CHCHD6: variants seen among roughly 807,000 people sequenced by gnomAD.
CHCHD6 encodes the protein MICOS complex subunit MIC25.
CHCHD6 carries 28 observed loss-of-function variants against 32.3 expected under a neutral mutation model. The ratio of observed to expected loss-of-function variants is 0.87; its 90% confidence interval spans 0.64 to 1.19. The LOEUF (loss-of-function observed/expected upper bound fraction) is 1.19. CHCHD6 is among the 50% of genes most tolerant of loss of function. The probability of loss-of-function intolerance (pLI) is 0.00; values close to 1 mark genes in which losing one functional copy is unlikely to be tolerated. For missense variants in CHCHD6, 333 were observed against 307.0 expected, an observed-to-expected ratio of 1.08 and a Z score of -0.63; for synonymous variants, 122 against 117.5, an observed-to-expected ratio of 1.04 and a Z score of -0.25.
At chr3:126,899,574 CCTCT>C (rs2077892291) in intron 5 of CHCHD6, among the ~76,000 whole-genome samples, 1 of 152,206 alleles carries the variant, frequency 6.6e-6, no homozygotes. Flanking sequence ...ACACCATCCT[CCTCT>C]CTATCGTGGT....
In CHCHD6 at chr3:126,960,208, G is replaced by A; in HGVS notation, c.*7G>A. ...GTTCTCTTTGTAGGGCTGAGGAGCA[G>A]ACATCATTCCCTGCCCTGGCAGTGA... On this transcript the variant is annotated 3_prime_UTR_variant, in exon 8 of 8. Transcript: ENST00000290913. 6.4e-7 allele frequency: 1 copy of A among 1,551,496 alleles called. No individual in the cohort carries two copies.
chr3:126,914,021 G>A lies in CHCHD6; in HGVS notation c.496-659G>A, dbSNP rs1009357210. Reference sequence around the variant, plus strand: ...ACCGGGTGATCTCAGGACAAATTAAGTGTGTGCCTGTGGATGCTCCCCTTA... The same window carrying A: ...ACCGGGTGATCTCAGGACAAATTAAATGTGTGCCTGTGGATGCTCCCCTTA... On this transcript the variant is annotated intron_variant, in intron 5 of 7. Coordinates refer to ENST00000290913, the MANE Select transcript of CHCHD6 (RefSeq NM_032343.3). 2.6e-5 allele frequency among the ~76,000 whole-genome samples: 4 copies of A among 152,224 alleles called. No homozygotes were observed. In the East Asian group the frequency reaches 5.8e-4, roughly 22 times the overall value.
chr3:126,790,202 C>G lies in CHCHD6; in HGVS notation c.411+56980C>G, dbSNP rs190550972. ...TTCTGCTGAGAGATCAGCTGTTAGT[C>G]TGATGGGCTTCCCTTTGTGGGTAAC... On this transcript the variant is annotated intron_variant, in intron 4 of 7. Coordinates refer to ENST00000290913, the MANE Select transcript of CHCHD6 (RefSeq NM_032343.3). Among the ~76,000 whole-genome samples, 927 of 152,260 alleles carry G rather than the reference C, an allele frequency of 6.1e-3. 9 individuals are homozygous for G. The highest frequency in any genetic ancestry group is 0.021 in the African/African-American group (886 of 41,516).
At chr3:126,772,142 C>T (rs1208134198) in intron 4 of CHCHD6, among the ~76,000 whole-genome samples, 1 of 152,150 alleles carries the variant, frequency 6.6e-6, no homozygotes, top group Admixed American at 6.5e-5. Context: ...TGCTTTGTCA[C>T]CCAGGCTGGA....
At chr3:126,814,069 T>C (rs1939774457) in intron 4 of CHCHD6, among the ~76,000 whole-genome samples, 1 of 152,194 alleles carries the variant, frequency 6.6e-6, no homozygotes, top group South Asian at 2.1e-4. Flanking sequence ...TATTGATGGG[T>C]AGCTTTCTTT....
chr3:126,821,641 T>C (rs1940157811), intron 4 of CHCHD6, among the ~76,000 whole-genome samples: 1 of 152,198 alleles, frequency 6.6e-6, no homozygotes, highest in Non-Finnish European at 1.5e-5. Flanking sequence ...TAGACTGTTT[T>C]CCAAAGGAGT....
At chr3:126,956,990 A>C (rs1219467118) in intron 6 of CHCHD6, 2 of 194,790 alleles carry the variant, frequency 1.0e-5, no homozygotes, top group Non-Finnish European at 2.1e-5. Context: ...GCTGACGGCT[A>C]TCCTGGGCAC....
intron 4 of CHCHD6, among the ~76,000 whole-genome samples, chr3:126,841,443 CCTTA>C (rs1941076970): frequency 6.6e-6 from 1 of 152,018 alleles, no homozygotes; most frequent in Non-Finnish European, 1.5e-5. Context: ...TCCCTGAAGC[CCTTA>C]CTCTTTATTA....
At position 126,755,838 on chromosome 3, in the gene CHCHD6, ATGTG is replaced by A. The variant is rs58430251; in HGVS notation, c.411+22644_411+22647del. ...TGTGTGTGTGTACATCTGTGTGTGC[ATGTG>A]TGTGTGTGTGTGTGTGTGTGTGTGT... On this transcript the variant is annotated intron_variant, in intron 4 of 7. Coordinates refer to ENST00000290913, the MANE Select transcript of CHCHD6 (RefSeq NM_032343.3). Among the ~76,000 whole-genome samples the A allele has an allele frequency of 5.6e-4, 81 of 145,914 alleles. No homozygotes were observed. In the Middle Eastern group the frequency reaches 0.011, roughly 19 times the overall value.
intron 1 of CHCHD6, among the ~76,000 whole-genome samples, chr3:126,723,756 A>T (rs772601052): frequency 6.6e-6 from 1 of 152,106 alleles, no homozygotes; most frequent in Non-Finnish European, 1.5e-5. Flanking sequence ...TGTCACAGTG[A>T]GTGTCCTTCC....
intron 1 of CHCHD6, among the ~76,000 whole-genome samples, chr3:126,712,965 G>A (rs561811801): frequency 1.3e-5 from 2 of 152,258 alleles, no homozygotes; most frequent in African/African-American, 4.8e-5. Flanking sequence ...AAAGCTGGCG[G>A]TCATCCACGT....
intron 6 of CHCHD6, among the ~76,000 whole-genome samples, chr3:126,927,383 T>A (rs2078340196): frequency 6.6e-6 from 1 of 152,174 alleles, no homozygotes; most frequent in South Asian, 2.1e-4. Context: ...GGTGGTGGGC[T>A]CAGCACAGTC....
At chr3:126,856,546 G>A (rs906351912) in intron 5 of CHCHD6, among the ~76,000 whole-genome samples, 22 of 152,240 alleles carry the variant, frequency 1.4e-4, no homozygotes, top group Admixed American at 1.4e-3. Flanking sequence ...TGGCTCCAGA[G>A]CCTTTGCTCA....
At chr3:126,751,363 G>A (rs991904699) in intron 4 of CHCHD6, among the ~76,000 whole-genome samples, 9 of 152,080 alleles carry the variant, frequency 5.9e-5, no homozygotes, top group East Asian at 3.9e-4. Context: ...TTAGCCAGGC[G>A]TGATGGTGTA....
chr3:126,858,714 T>A (rs1941751107), intron 5 of CHCHD6, among the ~76,000 whole-genome samples: 1 of 152,184 alleles, frequency 6.6e-6, no homozygotes, highest in African/African-American at 2.4e-5. Context: ...TTAGCCCACA[T>A]CTGTTTGCAC....
At chr3:126,855,839 G>A (rs1005238772) in intron 5 of CHCHD6, among the ~76,000 whole-genome samples, 5 of 152,172 alleles carry the variant, frequency 3.3e-5, no homozygotes, top group African/African-American at 4.8e-5. Flanking sequence ...ATGAGACATC[G>A]GGTTTTATTT....
At chr3:126,729,297 T>C (rs1935674892) in intron 2 of CHCHD6, among the ~76,000 whole-genome samples, 1 of 152,128 alleles carries the variant, frequency 6.6e-6, no homozygotes, top group Non-Finnish European at 1.5e-5. Context: ...GTAGGAAATG[T>C]GCACAGATGG....
At chr3:126,704,795 ACT>A (rs1302203451) in intron 1 of CHCHD6, among the ~76,000 whole-genome samples, 1 of 151,800 alleles carries the variant, frequency 6.6e-6, no homozygotes, top group Non-Finnish European at 1.5e-5. Context: ...TTGCCTGGGG[ACT>A]CAGCTCTTCC....
chr3:126,830,246 A>G (rs75120727), intron 4 of CHCHD6, among the ~76,000 whole-genome samples: 4,588 of 152,348 alleles, frequency 0.03, 98 homozygotes, highest in Non-Finnish European at 0.039. Flanking sequence ...TTCACTGTTC[A>G]TGCTAGTGTT....
Sources: allele counts gnomAD v4.1 joint callset (sites outside exome capture counted in the v4.1 genomes callset), GRCh38; gene constraint gnomAD v4.1.1; transcripts MANE v1.5; gene names NCBI Gene and HGNC (gene_info 2026-07-23, HGNC 2026-07-21).